The following NRIP1 variants were observed in gnomAD, a reference collection of about 807,000 sequenced individuals.
The protein encoded by NRIP1 is nuclear receptor-interacting protein 1.
Under a neutral mutation model 75.0 loss-of-function variants are expected in NRIP1, and 28 were observed. The observed-to-expected ratio is 0.37, with a 90% CI of 0.28 to 0.51. The LOEUF (loss-of-function observed/expected upper bound fraction) is 0.51. Among genes scored for constraint, NRIP1 ranks in the 20% least tolerant of loss-of-function variants. The probability of loss-of-function intolerance (pLI) is 0.92; values close to 1 mark genes in which losing one functional copy is unlikely to be tolerated. For synonymous variants in NRIP1, 526 were observed against 487.6 expected, an observed-to-expected ratio of 1.08 and a Z score of -1.04; for missense variants, 1,435 against 1,343.7, an observed-to-expected ratio of 1.07 and a Z score of -1.06.
In NRIP1 at chr21:14,973,266, GA is replaced by G. The variant is rs5842505; in HGVS notation, c.-334-4741del. On this transcript the variant is annotated intron_variant, in intron 3 of 3. Coordinates refer to ENST00000318948, the MANE Select transcript of NRIP1 (RefSeq NM_003489.4). ...TAAAAATACTAAAGGGACAGAAAAA[GA>G]AAAAAAAAAGGGAAAAATACTAAGA... Among the ~76,000 whole-genome samples the G allele has an allele frequency of 0.018, 2,511 of 140,428 alleles. 247 individuals are homozygous for G. In the East Asian group the frequency reaches 0.29, roughly 16 times the overall value. The allele number at this position is 140,428 out of a possible 152,430, so 92.1% of individuals were successfully genotyped here. A position where few individuals can be genotyped will look rare whatever the true frequency, so the allele number is the denominator to read the frequency against.
chr21:14,966,006 CTCT>C lies in NRIP1; in HGVS notation c.2184_2186del (p.Glu729del), dbSNP rs770374647. The C allele has an allele frequency of 2.5e-6, 4 of 1,611,796 alleles. No homozygotes were observed. The highest frequency in any genetic ancestry group is 3.4e-6 in the Non-Finnish European group (4 of 1,179,420). On this transcript the variant is annotated inframe_deletion, in exon 4 of 4. Coordinates refer to ENST00000318948, the MANE Select transcript of NRIP1 (RefSeq NM_003489.4). ...TACTTTCATCTCTTAAGGGAGTTTT[CTCT>C]TTTTTTTCACTCTTCCCTTTGTTGG...
At chr21:15,045,618 A>G (rs758192963) in intron 1 of NRIP1, among the ~76,000 whole-genome samples, 2 of 152,184 alleles carry the variant, frequency 1.3e-5, no homozygotes, top group Non-Finnish European at 2.9e-5. Context: ...TGATTTCTTA[A>G]AACAAGACAA....
chr21:14,979,869 T>C (rs1423780527), intron 3 of NRIP1, among the ~76,000 whole-genome samples: 1 of 147,002 alleles, frequency 6.8e-6, no homozygotes, highest in Non-Finnish European at 1.5e-5. Flanking sequence ...CTTGCACTTT[T>C]ATTTGTTTGC....
chr21:15,043,821 T>G (rs1341759781), intron 1 of NRIP1, among the ~76,000 whole-genome samples: 1 of 142,248 alleles, frequency 7.0e-6, no homozygotes, highest in African/African-American at 3.0e-5. Flanking sequence ...ATTGTTTTTT[T>G]GTTTGTTTGT....
chr21:15,054,802 A>C (rs1427262665), intron 1 of NRIP1, among the ~76,000 whole-genome samples: 1 of 152,238 alleles, frequency 6.6e-6, no homozygotes, highest in African/African-American at 2.4e-5. Flanking sequence ...TACACTGATG[A>C]ATAAGCTCCT....
chr21:15,047,383 T>C (rs1229376721), intron 1 of NRIP1, among the ~76,000 whole-genome samples: 2 of 151,730 alleles, frequency 1.3e-5, no homozygotes, highest in African/African-American at 4.8e-5. Flanking sequence ...CTACTAAAAA[T>C]CAAAAAATTA....
intron 3 of NRIP1, among the ~76,000 whole-genome samples, chr21:14,973,637 G>A (rs1218029988): frequency 6.6e-6 from 1 of 151,006 alleles, no homozygotes; most frequent in African/African-American, 2.4e-5. Flanking sequence ...ACTAAATTTT[G>A]ATTTCAGTAT....
At chr21:15,045,382 G>A (rs192777689) in intron 1 of NRIP1, among the ~76,000 whole-genome samples, 110 of 152,286 alleles carry the variant, frequency 7.2e-4, no homozygotes, top group Middle Eastern at 3.4e-3. Context: ...GTTTCCTAGT[G>A]CACATAAAAG....
chr21:15,061,594 C>A (rs1403114218), intron 1 of NRIP1, among the ~76,000 whole-genome samples: 2 of 152,146 alleles, frequency 1.3e-5, no homozygotes, highest in African/African-American at 4.8e-5. Flanking sequence ...GACCCTAGCA[C>A]AATTTAAAGT....
intron 3 of NRIP1, among the ~76,000 whole-genome samples, chr21:15,013,961 C>T (rs527626204): frequency 5.3e-4 from 80 of 152,274 alleles, no homozygotes; most frequent in African/African-American, 1.8e-3. Context: ...TCCATTTTCT[C>T]TGGTTTTTGA....
Position 15,040,845 on chromosome 21 carries a change from T to G in NRIP1, c.-458+2650A>C, listed in dbSNP as rs982708143. 5.9e-5 allele frequency among the ~76,000 whole-genome samples: 9 copies of G among 152,086 alleles called. No individual in the cohort carries two copies. In the South Asian group the frequency reaches 6.2e-4, roughly 11 times the overall value. Reference sequence around the variant, plus strand: ...CTAAGAAACAACTTTAGAGTTTACATTAAGTCAAAGAAAAATAAGTCTCTC... The same window carrying G: ...CTAAGAAACAACTTTAGAGTTTACAGTAAGTCAAAGAAAAATAAGTCTCTC... On this transcript the variant is annotated intron_variant, in intron 2 of 3. Coordinates refer to ENST00000318948, the MANE Select transcript of NRIP1 (RefSeq NM_003489.4).
intron 3 of NRIP1, among the ~76,000 whole-genome samples, chr21:14,994,141 C>T (rs1471873395): frequency 1.3e-5 from 2 of 151,758 alleles, no homozygotes; most frequent in Non-Finnish European, 2.9e-5. Flanking sequence ...GGGGTGGGGG[C>T]GCAGACTGAG....
intron 3 of NRIP1, among the ~76,000 whole-genome samples, chr21:15,005,663 C>G (rs544510725): frequency 4.6e-5 from 7 of 152,210 alleles, no homozygotes; most frequent in African/African-American, 1.7e-4. Context: ...AGGATCTGTG[C>G]CAGTGTGAGA....
At chr21:15,039,749 T>C (rs1301437949) in intron 2 of NRIP1, among the ~76,000 whole-genome samples, 1 of 152,006 alleles carries the variant, frequency 6.6e-6, no homozygotes, top group East Asian at 1.9e-4. Flanking sequence ...CCCCTAAAAG[T>C]AAAATTCTAC....
In NRIP1 at chr21:14,966,421, A is replaced by G. The variant is rs372186551; in HGVS notation, c.1772T>C (p.Leu591Pro). The G allele has an allele frequency of 6.2e-7, 1 of 1,613,952 alleles. No homozygotes were observed. Among genetic ancestry groups the G allele is most frequent in the Non-Finnish European group, 8.5e-7 (1 of 1,179,974 alleles). Reference protein sequence around the residue: ...PYVCSTQSEKLTNTASNHSMD... With the variant: ...PYVCSTQSEKPTNTASNHSMD... ...TGAGTGGTTAGATGCAGTATTTGTT[A>G]GCTTTTCAGACTGAGTACTGCAGAC... Residue 591 changes from leucine (L) to proline (P), a missense_variant, in exon 4 of 4, where the codon CTA (leucine) becomes CCA (proline). Transcript: ENST00000318948.
At chr21:15,013,248 T>G (rs2088152961) in intron 3 of NRIP1, among the ~76,000 whole-genome samples, 1 of 152,204 alleles carries the variant, frequency 6.6e-6, no homozygotes. Flanking sequence ...AAAATAACAT[T>G]TTAAAGATTT....
In NRIP1 at chr21:15,039,541, T is replaced by A. The variant is rs78533633; in HGVS notation, c.-458+3954A>T. Among the ~76,000 whole-genome samples, 1,897 of 152,162 alleles carry A rather than the reference T, an allele frequency of 0.012. 214 individuals are homozygous for A. The East Asian group carries it at 0.26, about 21-fold the overall frequency. ...TTATCCCATTTGGCAAAAATAAACA[T>A]GAAGAAACATTAACCCTCAAAATTT... is the stretch of plus-strand genomic sequence containing the variant. On this transcript the variant is annotated intron_variant, in intron 2 of 3. Coordinates refer to ENST00000318948, the MANE Select transcript of NRIP1 (RefSeq NM_003489.4).
At chr21:15,008,733 C>G (rs1160936204) in intron 3 of NRIP1, among the ~76,000 whole-genome samples, 1 of 152,130 alleles carries the variant, frequency 6.6e-6, no homozygotes, top group Non-Finnish European at 1.5e-5. Context: ...AAGTGAATTG[C>G]CATAATACAG....
intron 2 of NRIP1, among the ~76,000 whole-genome samples, chr21:15,039,260 C>A (rs1281152157): frequency 6.6e-6 from 1 of 152,032 alleles, no homozygotes; most frequent in Admixed American, 6.6e-5. Context: ...GTAGTATTAT[C>A]AAAAATGTGT....
Sources: gnomAD v4.1 joint callset for allele counts (sites outside exome capture counted in the v4.1 genomes callset) on GRCh38, gnomAD v4.1.1 for gene constraint, MANE v1.5 for transcripts, NCBI Gene and HGNC (gene_info 2026-07-23, HGNC 2026-07-21) for gene names.